The following EXOC4 variants were observed in gnomAD, a reference collection of about 807,000 sequenced individuals.
The protein encoded by EXOC4 is exocyst complex component 4.
In EXOC4, 71 loss-of-function variants were observed where a neutral mutation model predicts 107.2. That is an observed-to-expected ratio of 0.66 (90% CI 0.55 to 0.81). The LOEUF is 0.81. EXOC4 is among the 30% of genes least tolerant of loss of function. The probability of loss-of-function intolerance (pLI) is 0.00; values close to 1 mark genes in which losing one functional copy is unlikely to be tolerated. For missense variants in EXOC4, 1,108 were observed against 1,189.6 expected (o/e 0.93, Z 1.01); for synonymous variants, 456 against 441.2 (o/e 1.03, Z -0.42).
At chr7:133,462,820 A>G (rs1798626415) in intron 7 of EXOC4, among the ~76,000 whole-genome samples, 1 of 152,200 alleles carries the variant, frequency 6.6e-6, no homozygotes, top group Non-Finnish European at 1.5e-5. Context: ...AGAAACAGGA[A>G]ATAAAACTTT....
intron 6 of EXOC4, among the ~76,000 whole-genome samples, chr7:133,368,157 C>T (rs1389859354): frequency 2.6e-5 from 4 of 152,242 alleles, no homozygotes; most frequent in Non-Finnish European, 4.4e-5. Context: ...ATTCTGCCTA[C>T]ACTTTCTGGC....
intron 9 of EXOC4, among the ~76,000 whole-genome samples, chr7:133,496,989 G>A (rs952979106): frequency 1.3e-5 from 2 of 152,142 alleles, no homozygotes; most frequent in African/African-American, 4.8e-5. Context: ...TCTTCTGTTA[G>A]CCTCAAAGTA....
chr7:133,440,338 C>A (rs1340254000), intron 7 of EXOC4, among the ~76,000 whole-genome samples: 1 of 151,930 alleles, frequency 6.6e-6, no homozygotes, highest in Non-Finnish European at 1.5e-5. Context: ...GTTATTTTTC[C>A]CACCTTTATC....
rs1381206081 is a variant in EXOC4, at chr7:133,278,340, C to G, written c.276+3169C>G. ...TTAAATTCTAATCAGGGGAGACAGA[C>G]TACAGACTATAAGTGAATATATAAG... On this transcript the variant is annotated intron_variant, in intron 2 of 17. Transcript: ENST00000253861. Among the ~76,000 whole-genome samples, 3 of 152,280 alleles carry G rather than the reference C, an allele frequency of 2.0e-5. No individual in the cohort carries two copies. The South Asian group carries it at 6.2e-4, about 32-fold the overall frequency.
intron 17 of EXOC4, among the ~76,000 whole-genome samples, chr7:134,038,898 T>C (rs1795452649): frequency 6.6e-6 from 1 of 152,328 alleles, no homozygotes; most frequent in African/African-American, 2.4e-5. Flanking sequence ...GGAAGTTTGC[T>C]TACCTAGCAG....
At position 133,895,753 on chromosome 7, in the gene EXOC4, G is replaced by A. The variant is rs1043157819; in HGVS notation, c.1871+18G>A. 6.2e-7 allele frequency: 1 copy of A among 1,604,534 alleles called. No individual in the cohort carries two copies. The highest frequency in any genetic ancestry group is 8.5e-7 in the Non-Finnish European group (1 of 1,174,422). On this transcript the variant is annotated intron_variant, in intron 12 of 17. Coordinates refer to ENST00000253861, the MANE Select transcript of EXOC4 (RefSeq NM_021807.4). ...GCTTACAGGTAGAGCTTCTGTTAGG[G>A]GCTAAGCAAAGTAACGTTTGAGCCT...
intron 10 of EXOC4, among the ~76,000 whole-genome samples, chr7:133,636,550 A>G (rs1802716960): frequency 6.6e-6 from 1 of 152,232 alleles, no homozygotes. Flanking sequence ...TATGTTTCTT[A>G]CAGGAGAACC....
intron 11 of EXOC4, among the ~76,000 whole-genome samples, chr7:133,871,299 A>G (rs1188210422): frequency 3.3e-5 from 5 of 151,808 alleles, no homozygotes; most frequent in African/African-American, 1.2e-4. Context: ...CACACAACCA[A>G]AAAAATCACC....
intron 9 of EXOC4, among the ~76,000 whole-genome samples, chr7:133,483,364 A>C (rs1799199753): frequency 1.3e-5 from 2 of 152,242 alleles, no homozygotes; most frequent in Non-Finnish European, 2.9e-5. Context: ...GCTTTATTAA[A>C]TAGAAATATT....
chr7:133,898,111 A>G lies in EXOC4; in HGVS notation c.1871+2376A>G, dbSNP rs181082132. On this transcript the variant is annotated intron_variant, in intron 12 of 17. Transcript: ENST00000253861. Reference sequence around the variant, plus strand: ...CCCCATATAAGTGAAATCATGCAATATTTGTCTTTCTGTGCCTGGCCATTG... The same window carrying G: ...CCCCATATAAGTGAAATCATGCAATGTTTGTCTTTCTGTGCCTGGCCATTG... Among the ~76,000 whole-genome samples, 247 of 151,496 alleles carry G rather than the reference A, an allele frequency of 1.6e-3. 1 individual carries two copies. Among genetic ancestry groups the G allele is most frequent in the Middle Eastern group, 6.8e-3 (2 of 294 alleles).
rs144124488 is a variant in EXOC4 at position 133,736,890 on chromosome 7, A to G, written c.1515-80435A>G. On this transcript the variant is annotated intron_variant, in intron 10 of 17. Coordinates refer to ENST00000253861, the MANE Select transcript of EXOC4 (RefSeq NM_021807.4). ...GCCTTCTGGACACCTTTTTACATATATCATTGGCATTCTTGTCCAAAGAAG... is the reference window on the plus strand; with the variant it reads ...GCCTTCTGGACACCTTTTTACATATGTCATTGGCATTCTTGTCCAAAGAAG... Among the ~76,000 whole-genome samples the G allele has an allele frequency of 5.9e-5, 9 of 152,292 alleles. No individual in the cohort carries two copies. The East Asian group carries it at 1.5e-3, about 26-fold the overall frequency.
intron 10 of EXOC4, among the ~76,000 whole-genome samples, chr7:133,645,690 C>T (rs1802972938): frequency 6.6e-6 from 1 of 151,700 alleles, no homozygotes; most frequent in African/African-American, 2.4e-5. Flanking sequence ...TAGGAATTCA[C>T]ACAGTTCATC....
chr7:133,922,492 G>C (rs901988920), intron 13 of EXOC4, among the ~76,000 whole-genome samples: 2 of 151,936 alleles, frequency 1.3e-5, no homozygotes, highest in African/African-American at 2.4e-5. Flanking sequence ...CTGTATATAG[G>C]TTCTCACTAC....
intron 7 of EXOC4, among the ~76,000 whole-genome samples, chr7:133,376,196 A>T (rs761386297): frequency 3.9e-5 from 6 of 152,198 alleles, no homozygotes; most frequent in Non-Finnish European, 8.8e-5. Context: ...TACAGTGTAT[A>T]TGCTTTACTG....
rs538645900 is a variant in EXOC4, at chr7:133,678,060, T to A, written c.1514+47919T>A. On this transcript the variant is annotated intron_variant, in intron 10 of 17. Transcript: ENST00000253861. ...TTTAAAAAGTATGAACTTTATGATA[T>A]GTAAATTATATCGCAGTAAAGCTGC... 3.3e-5 allele frequency among the ~76,000 whole-genome samples: 5 copies of A among 152,332 alleles called. 1 individual carries two copies. Among genetic ancestry groups the A allele is most frequent in the African/African-American group, 1.2e-4 (5 of 41,578 alleles).
At chr7:133,260,270 GTT>G (rs34596811) in intron 1 of EXOC4, among the ~76,000 whole-genome samples, 9 of 143,160 alleles carry the variant, frequency 6.3e-5, no homozygotes, top group Non-Finnish European at 9.3e-5. Flanking sequence ...CCCTTTAACT[GTT>G]TTTTTTTTTT....
intron 7 of EXOC4, among the ~76,000 whole-genome samples, chr7:133,433,499 T>C (rs1301109260): frequency 6.6e-6 from 1 of 152,202 alleles, no homozygotes; most frequent in East Asian, 1.9e-4. Context: ...GATCTGCAGC[T>C]TGGTACCAAG....
chr7:134,076,987 C>T, the EXOC4 span, among the ~76,000 whole-genome samples: 1 of 139,264 alleles, frequency 7.2e-6, no homozygotes, highest in Non-Finnish European at 1.5e-5. Flanking sequence ...ATAGAGAGAA[C>T]AGAGCAAGAG....
chr7:133,796,828 G>T (rs1268785316), intron 10 of EXOC4, among the ~76,000 whole-genome samples: 8 of 152,146 alleles, frequency 5.3e-5, no homozygotes, highest in Non-Finnish European at 1.2e-4. Flanking sequence ...TTCATCGAAG[G>T]CTCCTTCCCC....
Sources: gnomAD v4.1 joint callset for allele counts (sites outside exome capture counted in the v4.1 genomes callset) on GRCh38, gnomAD v4.1.1 for gene constraint, MANE v1.5 for transcripts, NCBI Gene and HGNC (gene_info 2026-07-23, HGNC 2026-07-21) for gene names.